CACNA1B: variants seen among roughly 807,000 people sequenced by gnomAD.
CACNA1B encodes the protein calcium voltage-gated channel subunit alpha1 B.
CACNA1B carries 70 observed loss-of-function variants against 247.2 expected under a neutral mutation model. The ratio of observed to expected loss-of-function variants is 0.28; its 90% CI spans 0.23 to 0.35. The LOEUF (loss-of-function observed/expected upper bound fraction) is 0.35, where lower values mean the gene tolerates loss of function less well. Among genes scored for constraint, CACNA1B ranks in the 10% least tolerant of loss-of-function variants. CACNA1B has a pLI of 1.00. For missense variants in CACNA1B, 2,367 were observed against 3,197.4 expected (o/e 0.74, Z 6.26); for synonymous variants, 1,231 against 1,294.4 (o/e 0.95, Z 1.05).
chr9:138,015,031 C>G (rs1050880323), intron 18 of CACNA1B, among the ~76,000 whole-genome samples: 1 of 152,190 alleles, frequency 6.6e-6, no homozygotes, highest in African/African-American at 2.4e-5. Context: ...CATGCTGATT[C>G]CTACGCGAGG....
chr9:137,987,335 G>T (rs1005763995), intron 15 of CACNA1B, among the ~76,000 whole-genome samples: 14 of 152,232 alleles, frequency 9.2e-5, no homozygotes, highest in African/African-American at 2.9e-4. Context: ...TCTCTACGAC[G>T]GAGACCTTGT....
In CACNA1B at chr9:138,057,202, G is replaced by T. The variant is rs1020227409; in HGVS notation, c.3969-530G>T. On this transcript the variant is annotated intron_variant, in intron 26 of 46. Transcript: ENST00000371372. This position sits in a 1 kb window ranked among gnomAD's most constrained non-coding sequence, Gnocchi z 4.0. ...TCCGCCCGCCTCGGCCTCCCAAAGT[G>T]CTGGGATTACAGGCGTGAGCCACCG... Among the ~76,000 whole-genome samples, 3 of 152,162 alleles carry T rather than the reference G, an allele frequency of 2.0e-5. No homozygotes were observed. The highest frequency in any genetic ancestry group is 7.2e-5 in the African/African-American group (3 of 41,452).
At position 138,051,925 on chromosome 9, in the gene CACNA1B, G is replaced by C. The variant is rs1013276691; in HGVS notation, c.3711-167G>C. On this transcript the variant is annotated intron_variant, in intron 24 of 46. Transcript: ENST00000371372. This position sits in a 1 kb window ranked among gnomAD's most constrained non-coding sequence, Gnocchi z 4.3. ...CAGGCAGCCCCTGGGAAGAGTCATG[G>C]TGGCCTGTGGCACCTGCAGGGCAAG... 3.3e-5 allele frequency among the ~76,000 whole-genome samples: 5 copies of C among 152,122 alleles called. No homozygotes were observed. The highest frequency in any genetic ancestry group is 1.2e-4 in the African/African-American group (5 of 41,422).
At chr9:138,077,989 G>A (rs1454061905) in intron 35 of CACNA1B, 125 bp from the exon 36 acceptor site, 1 of 718,882 alleles carries the variant, frequency 1.4e-6, no homozygotes, top group East Asian at 2.7e-5. Flanking sequence ...TGTGACCCAG[G>A]CCTGGCACAT....
intron 25 of CACNA1B, among the ~76,000 whole-genome samples, 173 bp from the exon 26 acceptor site, chr9:138,053,673 C>A (rs11137358): frequency 7.2e-6 from 1 of 139,574 alleles, no homozygotes. Context: ...CACCATGGCT[C>A]CACCCCTTTC....
At chr9:137,963,675 T>C (rs1958044739) in intron 10 of CACNA1B, among the ~76,000 whole-genome samples, 1 of 152,146 alleles carries the variant, frequency 6.6e-6, no homozygotes, top group Non-Finnish European at 1.5e-5. Context: ...GGGATTATAG[T>C]CGTGAGCCAC....
At chr9:138,108,308 CAAAA>C (rs935431476) in intron 39 of CACNA1B, among the ~76,000 whole-genome samples, 1 of 44,092 alleles carries the variant, frequency 2.3e-5, no homozygotes, top group Non-Finnish European at 4.8e-5. Context: ...AACCCCATCT[CAAAA>C]AAAAAAAAAA....
At chr9:138,003,349 T>A (rs182528717) in intron 15 of CACNA1B, among the ~76,000 whole-genome samples, 4 of 150,704 alleles carry the variant, frequency 2.7e-5, no homozygotes, top group South Asian at 2.1e-4. Flanking sequence ...ATTAAAAAAA[T>A]TTTTTTGTAG....
chr9:138,114,346 C>A, intron 40 of CACNA1B, 32 bp from the exon 41 acceptor site: 1 of 1,129,184 alleles, frequency 8.9e-7, no homozygotes, highest in Non-Finnish European at 1.3e-6. Context: ...CTGCCCCCTT[C>A]TCCGAATCTC....
chr9:138,077,030 A>C (rs1255107839), intron 35 of CACNA1B, among the ~76,000 whole-genome samples: 1 of 152,246 alleles, frequency 6.6e-6, no homozygotes, highest in Non-Finnish European at 1.5e-5. Flanking sequence ...GGAAGACTTA[A>C]GGCAAACCTA....
intron 36 of CACNA1B, among the ~76,000 whole-genome samples, chr9:138,087,400 A>G (rs1053094962): frequency 2.1e-5 from 3 of 144,350 alleles, no homozygotes; most frequent in Admixed American, 6.8e-5. Flanking sequence ...AAAAAAAAAA[A>G]AAAGAAAAAG....
At chr9:138,064,335 C>T (rs80222522) in intron 31 of CACNA1B, among the ~76,000 whole-genome samples, 13 of 152,298 alleles carry the variant, frequency 8.5e-5, no homozygotes, top group African/African-American at 3.1e-4. Flanking sequence ...GCTGTCTGGA[C>T]TCCTTCTTGT....
At chr9:138,062,274 A>G (rs1396184234) in intron 31 of CACNA1B, among the ~76,000 whole-genome samples, 2 of 152,104 alleles carry the variant, frequency 1.3e-5, no homozygotes, top group East Asian at 1.9e-4. Context: ...GGCTGTTCCT[A>G]TGTGAGGCTG....
At chr9:138,043,692 G>A (rs1231276800) in intron 20 of CACNA1B, 82 bp from the exon 21 acceptor site, 21 of 1,532,244 alleles carry the variant, frequency 1.4e-5, no homozygotes, top group African/African-American at 2.7e-5. Context: ...AAGTGCCGGG[G>A]GCATGGGAGC....
chr9:137,886,175 C>T (rs774900296), intron 3 of CACNA1B, among the ~76,000 whole-genome samples: 170 of 152,062 alleles, frequency 1.1e-3, no homozygotes, highest in Non-Finnish European at 1.5e-3. Flanking sequence ...CCAATAACAC[C>T]GTGCTACCAG....
intron 21 of CACNA1B, among the ~76,000 whole-genome samples, chr9:138,045,333 A>G (rs752440044): frequency 1.3e-5 from 2 of 152,078 alleles, no homozygotes; most frequent in African/African-American, 2.4e-5. Context: ...GGGCCCTTTT[A>G]TGGGGAGACT....
In CACNA1B at chr9:137,968,202, G is replaced by GC. The variant is rs1958103950; in HGVS notation, c.1334-3180dup. Among the ~76,000 whole-genome samples, 3 of 152,300 alleles carry GC rather than the reference G, an allele frequency of 2.0e-5. No individual in the cohort carries two copies. In the East Asian group the frequency reaches 5.8e-4, roughly 29 times the overall value. ...GGCCTCCACTGTTGGTTCAGGGTGG[G>GC]CTTGGGGCCTGGGGCCTGGTGGGGA... is the stretch of plus-strand genomic sequence containing the variant. On this transcript the variant is annotated intron_variant, in intron 10 of 46. Transcript: ENST00000371372.
intron 3 of CACNA1B, among the ~76,000 whole-genome samples, chr9:137,900,035 A>T (rs963592134): frequency 1.3e-5 from 2 of 152,176 alleles, no homozygotes; most frequent in Non-Finnish European, 2.9e-5. Context: ...CTGAGTCCCC[A>T]GTCACCTCTG....
chr9:137,908,190 A>G (rs1186683529), intron 3 of CACNA1B, among the ~76,000 whole-genome samples: 1 of 152,162 alleles, frequency 6.6e-6, no homozygotes, highest in Non-Finnish European at 1.5e-5. Flanking sequence ...GTTAAGTTCT[A>G]CCAGGGTTCT....
Sources: allele counts gnomAD v4.1 joint callset (sites outside exome capture counted in the v4.1 genomes callset), GRCh38; gene constraint gnomAD v4.1.1; non-coding constraint Gnocchi (gnomAD v3.1); transcripts MANE v1.5; gene names NCBI Gene and HGNC (gene_info 2026-07-23, HGNC 2026-07-21).